Variants in SRPK2 observed in about 807,000 individuals in gnomAD.
SRPK2 encodes the protein SFRS protein kinase 2.
Under a neutral mutation model 90.8 loss-of-function variants are expected in SRPK2, and 21 were observed. The ratio of observed to expected loss-of-function variants is 0.23; its 90% confidence interval spans 0.16 to 0.33. SRPK2 has a LOEUF of 0.33. SRPK2 is among the 10% of genes least tolerant of loss of function. The pLI is 1.00. For synonymous variants in SRPK2, 288 were observed against 311.1 expected (o/e 0.93, Z 0.78); for missense variants, 620 against 869.0 (o/e 0.71, Z 3.60).
chr7:105,215,935 T>A (rs904063872), intron 2 of SRPK2, among the ~76,000 whole-genome samples: 1 of 151,990 alleles, frequency 6.6e-6, no homozygotes, highest in Admixed American at 6.6e-5. Context: ...ACAAGCTGAT[T>A]GTCCCAGCTA....
At chr7:105,277,372 G>A (rs768537052) in intron 2 of SRPK2, among the ~76,000 whole-genome samples, 31 of 152,160 alleles carry the variant, frequency 2.0e-4, no homozygotes, top group Admixed American at 5.9e-4. Context: ...CACTGCGCCC[G>A]GCCCAACTTG....
chr7:105,285,589 A>G (rs1217206638), intron 2 of SRPK2, among the ~76,000 whole-genome samples: 1 of 152,114 alleles, frequency 6.6e-6, no homozygotes, highest in Non-Finnish European at 1.5e-5. Context: ...AGGTGTTTGG[A>G]TCACGGGGAC....
chr7:105,223,102 C>T (rs1798302481), intron 2 of SRPK2, among the ~76,000 whole-genome samples: 1 of 152,204 alleles, frequency 6.6e-6, no homozygotes, highest in African/African-American at 2.4e-5. Flanking sequence ...AGGGCCTCAG[C>T]CCAGGGCCCC....
chr7:105,214,738 T>C (rs988346705), intron 2 of SRPK2, among the ~76,000 whole-genome samples: 4 of 152,184 alleles, frequency 2.6e-5, no homozygotes, highest in Admixed American at 6.5e-5. Context: ...TATTCATGGA[T>C]TGGAGACTTA....
intron 2 of SRPK2, among the ~76,000 whole-genome samples, chr7:105,302,499 T>C (rs1459857374): frequency 6.6e-6 from 1 of 152,244 alleles, no homozygotes; most frequent in Non-Finnish European, 1.5e-5. Flanking sequence ...TCCATATTAA[T>C]AGGCTTCTTA....
chr7:105,322,760 AAC>A (rs1171263620), intron 2 of SRPK2, among the ~76,000 whole-genome samples: 1 of 150,678 alleles, frequency 6.6e-6, no homozygotes, highest in Non-Finnish European at 1.5e-5. Flanking sequence ...AAAAAAAAAA[AAC>A]AGTTTGCACA....
At position 105,132,848 on chromosome 7, in the gene SRPK2, C is replaced by T. The variant is rs1802221056; in HGVS notation, c.1695G>A (p.Glu565=). The T allele has an allele frequency of 1.9e-6, 3 of 1,611,096 alleles. No individual in the cohort carries two copies. The highest frequency in any genetic ancestry group is 2.5e-6 in the Non-Finnish European group (3 of 1,178,460). Residue 565 remains glutamate (E), a synonymous_variant, in exon 13 of 16, where the codon GAG becomes GAA. Transcript: ENST00000393651. ...TGCTGTACCCCGCTCCTATTAAAACCTCTATGGAGCGGTACTGACGCGTCT... is the reference window on the plus strand; with the variant it reads ...TGCTGTACCCCGCTCCTATTAAAACTTCTATGGAGCGGTACTGACGCGTCT... The part of the protein sequence containing the change: ...DIQTRQYRSI[E]VLIGAGYSTP...
chr7:105,254,145 G>A (rs1021097863), intron 2 of SRPK2, among the ~76,000 whole-genome samples: 6 of 152,240 alleles, frequency 3.9e-5, no homozygotes, highest in East Asian at 1.9e-4. Context: ...CTTTTACCTC[G>A]TTACAGCTGA....
rs1562979973 is a variant in SRPK2, at chr7:105,143,318, A to T, written c.826T>A (p.Ser276Thr). ...APQQKPIGKI[S>T]KNKKKKLKKK... ...TTCAGTTTTTTCTTTTTGTTTTTAGATATTTTTCCTATCTATGTTAAGGAA... is the reference window on the plus strand; with the variant it reads ...TTCAGTTTTTTCTTTTTGTTTTTAGTTATTTTTCCTATCTATGTTAAGGAA... Residue 276 changes from serine to threonine, a missense_variant, in exon 10 of 16, where the codon TCT becomes ACT. Physicochemically the swap from Ser to Thr is moderately conservative, Grantham distance 58. Transcript: ENST00000393651. The T allele has an allele frequency of 6.2e-7, 1 of 1,611,356 alleles. No homozygotes were observed. Among genetic ancestry groups the T allele is most frequent in the Non-Finnish European group, 8.5e-7 (1 of 1,179,706 alleles).
At chr7:105,374,480 T>A (rs1350627503) in intron 2 of SRPK2, among the ~76,000 whole-genome samples, 17 of 152,176 alleles carry the variant, frequency 1.1e-4, no homozygotes. Flanking sequence ...AGATATTCAC[T>A]GAAGTAATAC....
intron 7 of SRPK2, among the ~76,000 whole-genome samples, chr7:105,159,448 CAAAAAAAAAAAAAAAA>C (rs765544583): frequency 3.0e-5 from 1 of 33,144 alleles, no homozygotes; most frequent in Admixed American, 4.5e-4. Flanking sequence ...ACTCCGTCTC[CAAAAAAAAAAAAAAAA>C]AAAAAAAAAC....
intron 2 of SRPK2, among the ~76,000 whole-genome samples, chr7:105,364,515 C>T (rs1818810231): frequency 6.6e-6 from 1 of 151,938 alleles, no homozygotes; most frequent in Non-Finnish European, 1.5e-5. Flanking sequence ...CTTCTCCTGC[C>T]TCAGCCTCCC....
intron 2 of SRPK2, among the ~76,000 whole-genome samples, chr7:105,369,415 T>C (rs1819461728): frequency 6.6e-6 from 1 of 152,042 alleles, no homozygotes; most frequent in Non-Finnish European, 1.5e-5. Context: ...CTCAAAGTGT[T>C]GAGAATACAG....
Position 105,373,208 on chromosome 7 carries a change from G to T in SRPK2, c.71+15440C>A, listed in dbSNP as rs1819893585. On this transcript the variant is annotated intron_variant, in intron 2 of 15. Coordinates refer to ENST00000393651, the MANE Select transcript of SRPK2 (RefSeq NM_182692.3). ...CACCTATACCAACTAATGAAATAAT[G>T]ATAAATTATTTATAAACTGTCAAGA... 2.6e-5 allele frequency among the ~76,000 whole-genome samples: 4 copies of T among 152,032 alleles called. No individual in the cohort carries two copies. The South Asian group carries it at 8.3e-4, about 32-fold the overall frequency.
At chr7:105,318,404 G>A (rs978202320) in intron 2 of SRPK2, among the ~76,000 whole-genome samples, 12 of 152,270 alleles carry the variant, frequency 7.9e-5, no homozygotes, top group East Asian at 1.9e-4. Context: ...CTAAAAATAT[G>A]CTATTTGTTA....
intron 6 of SRPK2, among the ~76,000 whole-genome samples, chr7:105,163,351 T>C (rs1367490927): frequency 1.3e-5 from 2 of 152,156 alleles, no homozygotes; most frequent in Admixed American, 6.5e-5. Context: ...GAAAAAATGG[T>C]GAAATCACTG....
At chr7:105,282,521 G>T (rs1196285619) in intron 2 of SRPK2, among the ~76,000 whole-genome samples, 1 of 152,088 alleles carries the variant, frequency 6.6e-6, no homozygotes, top group Non-Finnish European at 1.5e-5. Context: ...ATTATCAAAG[G>T]GCCAGGGGCA....
Position 105,142,489 on chromosome 7 carries a change from A to G in SRPK2, c.1062T>C (p.Gly354=), listed in dbSNP as rs1375875129. The G allele has an allele frequency of 6.2e-7, 1 of 1,601,920 alleles. No individual in the cohort carries two copies. Among genetic ancestry groups the G allele is most frequent in the Admixed American group, 1.7e-5 (1 of 58,056 alleles). Residue 354 remains glycine, a splice_region_variant and synonymous_variant, in exon 11 of 16, where the codon GGT becomes GGC. Transcript: ENST00000393651. The part of the protein sequence containing the change: ...AAEAETAKDN[G]EAEDQEEKED... ...CTTTCTCTTCCTGGTCCTCAGCTTC[A>G]CCTTAAGAATTTGATGGGTCAAGAA...
intron 7 of SRPK2, among the ~76,000 whole-genome samples, chr7:105,152,633 C>G (rs917854044): frequency 5.3e-5 from 8 of 152,134 alleles, no homozygotes; most frequent in African/African-American, 1.9e-4. Flanking sequence ...TGTTTCATCC[C>G]CATGGATAGA....
Sources: gnomAD v4.1 joint callset for allele counts (sites outside exome capture counted in the v4.1 genomes callset) on GRCh38, gnomAD v4.1.1 for gene constraint, MANE v1.5 for transcripts, NCBI Gene and HGNC (gene_info 2026-07-23, HGNC 2026-07-21) for gene names.